Variants in XPC observed in about 807,000 individuals in gnomAD.
XPC encodes DNA repair protein complementing XP-C cells.
In XPC, 76 loss-of-function variants were observed where a neutral mutation model predicts 95.8. The ratio of observed to expected loss-of-function variants is 0.79; its 90% CI spans 0.66 to 0.96. The LOEUF is 0.96. Among genes scored for constraint, XPC ranks in the 40% least tolerant of loss-of-function variants. XPC has a pLI of 0.00. For synonymous variants in XPC, 442 were observed against 442.1 expected (o/e 1.00, Z 0.00); for missense variants, 1,146 against 1,179.8 (o/e 0.97, Z 0.42).
intron 11 of XPC, 90 bp downstream of exon 11, chr3:14,152,245 G>A (rs1239137033): frequency 3.6e-6 from 4 of 1,108,768 alleles, no homozygotes; most frequent in Non-Finnish European, 5.3e-6. Flanking sequence ...AGGACTGGGA[G>A]GCTCATCATC....
Position 14,158,041 on chromosome 3 carries a change from A to C in XPC, c.1842T>G (p.Phe614Leu). The part of the protein sequence containing the change: ...AETLRPYQSP[F>L]MDREKKEDLE... The stretch of plus-strand genomic sequence containing the variant: ...AGTCTTCTTTCTTCTCCCTGTCCAT[A>C]AATGGGCTCTGGTATGGTCTCAAGG... Residue 614 changes from phenylalanine to leucine, a missense_variant, in exon 9 of 16, where the codon TTT becomes TTG. Physicochemically the swap from Phe to Leu is conservative, Grantham distance 22 (BLOSUM62 0). Transcript: ENST00000285021. The surrounding 1 kb of genome is among the most constrained non-coding windows in gnomAD (Gnocchi z 5.2). The C allele has an allele frequency of 6.2e-7, 1 of 1,602,802 alleles. No homozygotes were observed.
intron 10 of XPC, among the ~76,000 whole-genome samples, 167 bp downstream of exon 10, chr3:14,156,167 AT>A (rs1430010120): frequency 6.6e-6 from 1 of 151,744 alleles, no homozygotes; most frequent in East Asian, 1.9e-4. Context: ...TAATTTTCAA[AT>A]TTTCTTCTCT....
chr3:14,166,243 C>T (rs1696373862), intron 5 of XPC, among the ~76,000 whole-genome samples: 2 of 152,092 alleles, frequency 1.3e-5, no homozygotes, highest in African/African-American at 4.8e-5. Flanking sequence ...ATCAATAGTG[C>T]TGCCTCTCTC....
At chr3:14,152,438 C>T in intron 10 of XPC, 22 bp from the exon 11 acceptor site, 1 of 1,600,030 alleles carries the variant, frequency 6.2e-7, no homozygotes, top group Non-Finnish European at 8.5e-7. Context: ...ACACAGGACA[C>T]AAAGGTAACT....
intron 1 of XPC, among the ~76,000 whole-genome samples, chr3:14,178,088 G>A (rs1003206397): frequency 6.6e-6 from 1 of 152,212 alleles, no homozygotes; most frequent in Non-Finnish European, 1.5e-5. Flanking sequence ...GTGAGACTCA[G>A]CTGAAGTTAT....
intron 2 of XPC, among the ~76,000 whole-genome samples, chr3:14,171,398 C>A (rs1463377251): frequency 6.6e-6 from 1 of 152,114 alleles, no homozygotes; most frequent in Non-Finnish European, 1.5e-5. Context: ...GCAGAAATGA[C>A]CACAGTCAAT....
rs1286285107 is a variant in XPC, at chr3:14,168,286, C to A, written c.507G>T (p.Thr169=). Residue 169 remains threonine (T), a synonymous_variant, in exon 4 of 16, where the codon ACG becomes ACT. Coordinates refer to ENST00000285021, the MANE Select transcript of XPC (RefSeq NM_004628.5). ...PVKPVEIEIE[T]PEQAKTRERS... Reference sequence around the variant, plus strand: ...TTTCTCTTGTCTTCGCCTGCTCTGGCGTTTCAATCTCTATCTCCACTGGCT... The same window carrying A: ...TTTCTCTTGTCTTCGCCTGCTCTGGAGTTTCAATCTCTATCTCCACTGGCT... 2.5e-6 allele frequency: 4 copies of A among 1,613,010 alleles called. No individual in the cohort carries two copies. The African/African-American group carries it at 5.4e-5, about 22-fold the overall frequency.
At chr3:14,178,399 C>T in intron 1 of XPC, 67 bp downstream of exon 1, 1 of 1,511,892 alleles carries the variant, frequency 6.6e-7, no homozygotes, top group East Asian at 2.3e-5. Context: ...GGACTCCCGC[C>T]CTGCCTCTGG....
rs748241834 is a variant in XPC at position 14,148,649 on chromosome 3, T to C, written c.2333A>G (p.Asn778Ser). The C allele has an allele frequency of 1.1e-5, 18 of 1,613,842 alleles. No individual in the cohort carries two copies. The highest frequency in any genetic ancestry group is 9.9e-5 in the South Asian group (9 of 91,086). ...PIGCVQLNLPNLHRVARKLDI... is the reference protein window; with the variant it reads ...PIGCVQLNLPSLHRVARKLDI... Reference sequence around the variant, plus strand: ...CAGCTTGCGGGCCACGCGGTGTAGATTGGGCAGGTTCAGCTGGACACAGCC... The same window carrying C: ...CAGCTTGCGGGCCACGCGGTGTAGACTGGGCAGGTTCAGCTGGACACAGCC... The change falls in exon 13 of 16, where the codon AAT becomes AGT. Residue 778 changes from asparagine to serine, a missense_variant. Transcript: ENST00000285021.
chr3:14,147,146 C>T lies in XPC; in HGVS notation c.2604+144G>A. On this transcript the variant is annotated intron_variant, in intron 15 of 15. Coordinates refer to ENST00000285021, the MANE Select transcript of XPC (RefSeq NM_004628.5). Reference sequence around the variant, plus strand: ...TTCCCAACAAGGTAAAAACAAGCGGCCTTAGAGACAGAAGACTGAGGTGTC... The same window carrying T: ...TTCCCAACAAGGTAAAAACAAGCGGTCTTAGAGACAGAAGACTGAGGTGTC... 2 of 847,492 alleles carry T rather than the reference C, an allele frequency of 2.4e-6. 1 individual carries two copies. The highest frequency in any genetic ancestry group is 3.2e-5 in the South Asian group (2 of 62,706). 52.5% of individuals were successfully genotyped at this position (847,492 alleles called of 1,614,324 possible).
intron 9 of XPC, among the ~76,000 whole-genome samples, chr3:14,157,351 C>T (rs1309586411): frequency 2.0e-5 from 3 of 152,110 alleles, no homozygotes; most frequent in Non-Finnish European, 2.9e-5. Context: ...AATAAACCTG[C>T]GACAAATCTG....
Position 14,145,903 on chromosome 3 carries a change from G to C in XPC, c.*38C>G, listed in dbSNP as rs1374160759. ...CAGGTGTGGGGCCTGTAGTGGGGCAGCAGCAACTGGTGGGTGCCCCTCTAG... is the reference window on the plus strand; with the variant it reads ...CAGGTGTGGGGCCTGTAGTGGGGCACCAGCAACTGGTGGGTGCCCCTCTAG... On this transcript the variant is annotated 3_prime_UTR_variant, in exon 16 of 16. Coordinates refer to ENST00000285021, the MANE Select transcript of XPC (RefSeq NM_004628.5). 3 of 1,583,260 alleles carry C rather than the reference G, an allele frequency of 1.9e-6. No individual in the cohort carries two copies. In the South Asian group the frequency reaches 3.4e-5, roughly 18 times the overall value.
intron 14 of XPC, 126 bp downstream of exon 14, chr3:14,147,782 G>C (rs1056781594): frequency 2.4e-6 from 2 of 827,206 alleles, no homozygotes; most frequent in African/African-American, 3.4e-5. Context: ...TCGGGTGCCT[G>C]CCATGATGTC....
chr3:14,147,243 A>G (rs748552383), intron 15 of XPC, 47 bp downstream of exon 15: 1 of 1,565,448 alleles, frequency 6.4e-7, no homozygotes, highest in South Asian at 1.2e-5. Flanking sequence ...TGCATCTCCA[A>G]GAAACTGACC....
chr3:14,146,324 A>G (rs1323797370), intron 15 of XPC, among the ~76,000 whole-genome samples, 165 bp from the exon 16 acceptor site: 1 of 151,856 alleles, frequency 6.6e-6, no homozygotes, highest in Non-Finnish European at 1.5e-5. Flanking sequence ...CTTCTTACTG[A>G]GCCGTCCCAG....
At chr3:14,147,646 C>T (rs1009500853) in intron 14 of XPC, 11 of 599,626 alleles carry the variant, frequency 1.8e-5, no homozygotes, top group Non-Finnish European at 3.2e-5. Context: ...TGGACACAGG[C>T]AATTCAAGAC....
intron 14 of XPC, 47 bp downstream of exon 14, chr3:14,147,861 T>C: frequency 6.5e-7 from 1 of 1,528,688 alleles, no homozygotes; most frequent in Non-Finnish European, 8.9e-7. Flanking sequence ...ACCCGCTGAG[T>C]GTTGCTTCCC....
At chr3:14,164,671 G>A in intron 7 of XPC, 142 bp downstream of exon 7, 1 of 798,418 alleles carries the variant, frequency 1.3e-6, no homozygotes, top group Non-Finnish European at 1.9e-6. Flanking sequence ...AGCTATTCTG[G>A]GCTTCAGCAG....
chr3:14,152,534 A>C, intron 10 of XPC, 118 bp from the exon 11 acceptor site: 1 of 945,086 alleles, frequency 1.1e-6, no homozygotes, highest in South Asian at 1.8e-5. Flanking sequence ...ACCCTGGAGC[A>C]GGCCGAGCTC....
Sources: gnomAD v4.1 joint callset for allele counts (sites outside exome capture counted in the v4.1 genomes callset) on GRCh38, gnomAD v4.1.1 for gene constraint, Gnocchi (gnomAD v3.1) non-coding constraint, MANE v1.5 for transcripts, NCBI Gene and HGNC (gene_info 2026-07-23, HGNC 2026-07-21) for gene names.